Variants in TUBGCP6 observed in about 807,000 individuals in gnomAD.
The protein encoded by TUBGCP6 is tubulin gamma complex component 6, also known as gamma-tubulin complex component 6.
In TUBGCP6, 161 loss-of-function variants were observed where a neutral mutation model predicts 175.8. The ratio of observed to expected loss-of-function variants is 0.92; its 90% CI spans 0.81 to 1.04. The LOEUF (loss-of-function observed/expected upper bound fraction) is 1.04. Ranked by LOEUF, TUBGCP6 falls within the 50% of genes least tolerant of loss-of-function variation. The pLI, the probability that TUBGCP6 is intolerant of heterozygous loss-of-function variation, is 0.00. For missense variants in TUBGCP6, 2,572 were observed against 2,433.0 expected (o/e 1.06, Z -1.20); for synonymous variants, 1,173 against 1,030.5 (o/e 1.14, Z -2.65).
At chr22:50,243,452 CAAA>C (rs369826679) in intron 1 of TUBGCP6, among the ~76,000 whole-genome samples, 2 of 113,480 alleles carry the variant, frequency 1.8e-5, no homozygotes, top group Non-Finnish European at 3.7e-5. Flanking sequence ...GACTCCATCT[CAAA>C]AAAAAAAAAA....
chr22:50,240,054 A>T (rs2147213334), intron 2 of TUBGCP6, 150 bp downstream of exon 2: 2 of 1,068,530 alleles, frequency 1.9e-6, no homozygotes, highest in East Asian at 2.6e-5. Context: ...AACTCCCAGG[A>T]CTCAGTCAAT....
At chr22:50,242,085 G>A (rs1043504998) in intron 1 of TUBGCP6, among the ~76,000 whole-genome samples, 6 of 151,380 alleles carry the variant, frequency 4.0e-5, no homozygotes, top group African/African-American at 1.5e-4. Flanking sequence ...GAGGTGAGGA[G>A]ATAGAGACCA....
At chr22:50,231,959 A>G (rs1184934778) in intron 3 of TUBGCP6, among the ~76,000 whole-genome samples, 6 of 151,714 alleles carry the variant, frequency 4.0e-5, no homozygotes, top group Non-Finnish European at 7.4e-5. Flanking sequence ...GGCGGCTCAC[A>G]CTTGCAATCC....
At chr22:50,230,940 G>A (rs1432786215) in intron 3 of TUBGCP6, among the ~76,000 whole-genome samples, 1 of 149,666 alleles carries the variant, frequency 6.7e-6, no homozygotes, top group African/African-American at 2.5e-5. Flanking sequence ...AAATTAGCTG[G>A]GCGAGGTAGT....
intron 6 of TUBGCP6, 41 bp from the exon 7 acceptor site, chr22:50,226,883 C>T (rs778834207): frequency 1.9e-6 from 3 of 1,552,412 alleles, no homozygotes; most frequent in Non-Finnish European, 2.6e-6. Context: ...TCAGCGCACC[C>T]AGCGCTGGGA....
chr22:50,237,820 G>A (rs1198586816), intron 2 of TUBGCP6, among the ~76,000 whole-genome samples: 2 of 152,186 alleles, frequency 1.3e-5, no homozygotes, highest in Non-Finnish European at 2.9e-5. Flanking sequence ...CCTAGAAAAG[G>A]GGGAGTTAAT....
intron 16 of TUBGCP6, 103 bp from the exon 17 acceptor site, chr22:50,220,118 C>T (rs1298112770): frequency 1.9e-6 from 3 of 1,550,188 alleles, no homozygotes; most frequent in Admixed American, 1.9e-5. Context: ...ATGTCCCCCA[C>T]AGCAGCCCAG....
chr22:50,223,353 G>A (rs2064557558), intron 13 of TUBGCP6: 1 of 152,384 alleles, frequency 6.6e-6, no homozygotes, highest in African/African-American at 2.4e-5. Context: ...CCCCTCCCGT[G>A]AGGGGCTCTC....
In TUBGCP6 at chr22:50,224,157, G is replaced by A. The variant is rs202186491; in HGVS notation, c.2254C>T (p.Leu752=). Residue 752 remains leucine, a synonymous_variant, in exon 13 of 25, where the codon CTG becomes TTG. Coordinates refer to ENST00000248846, the MANE Select transcript of TUBGCP6 (RefSeq NM_020461.4). ...ERRLKSLEEE[L]ERKARQALVD... ...CTGCCCTACCTCGCCTTCCTCTCCA[G>A]CTCCTCCTCCAGGGACTTCAGCCTT... 2.8e-5 allele frequency: 45 copies of A among 1,613,666 alleles called. No individual in the cohort carries two copies. The East Asian group carries it at 9.8e-4, about 35-fold the overall frequency.
In TUBGCP6 at chr22:50,220,727, C is replaced by A; in HGVS notation, c.3632G>T (p.Arg1211Leu). 6.2e-7 allele frequency: 1 copy of A among 1,611,214 alleles called. No homozygotes were observed. The highest frequency in any genetic ancestry group is 8.5e-7 in the Non-Finnish European group (1 of 1,179,302). The change falls in exon 16 of 25, where the codon CGG becomes CTG. Residue 1211 changes from arginine (R) to leucine (L), a missense_variant. Arg to Leu is a moderately radical substitution (Grantham distance 102, BLOSUM62 -2). Coordinates refer to ENST00000248846, the MANE Select transcript of TUBGCP6 (RefSeq NM_020461.4). ...AGACACATGTCCGTGGGTGTTCCACCGTGGCCGGGTGGGAGCCATGTCTGA... is the reference window on the plus strand; with the variant it reads ...AGACACATGTCCGTGGGTGTTCCACAGTGGCCGGGTGGGAGCCATGTCTGA... Reference protein sequence around the residue: ...SVSDMAPTRPRWNTHGHVSDT... With the variant: ...SVSDMAPTRPLWNTHGHVSDT...
chr22:50,235,867 G>C (rs2064772482), intron 2 of TUBGCP6, among the ~76,000 whole-genome samples: 1 of 151,696 alleles, frequency 6.6e-6, no homozygotes, highest in Non-Finnish European at 1.5e-5. Flanking sequence ...TTGAACCCGG[G>C]AGGTGGAGGT....
Position 50,219,131 on chromosome 22 carries a change from C to G in TUBGCP6, c.4563G>C (p.Arg1521=), listed in dbSNP as rs961921122. The G allele has an allele frequency of 4.3e-6, 7 of 1,613,078 alleles. No individual in the cohort carries two copies. In the East Asian group the frequency reaches 1.6e-4, roughly 36 times the overall value. The change falls in exon 20 of 25, where the codon CGG becomes CGC. Residue 1521 remains arginine, a synonymous_variant. Coordinates refer to ENST00000248846, the MANE Select transcript of TUBGCP6 (RefSeq NM_020461.4). ...LHLEAHYEAL[R]HFLLMEDGEF... ...CGCCGTCCTCCATCAGCAGGAAGTG[C>G]CGCAGTGCCTCATAGTGCGCCTCCA... is the stretch of plus-strand genomic sequence containing the variant.
chr22:50,243,706 C>T lies in TUBGCP6; in HGVS notation c.741+13G>A. The T allele has an allele frequency of 6.4e-7, 1 of 1,564,778 alleles. No individual in the cohort carries two copies. Among genetic ancestry groups the T allele is most frequent in the East Asian group, 2.4e-5 (1 of 42,552 alleles). ...CCCGAGAGAGATGAAAGAGGAAAAA[C>T]TAAACATTCTACCTTAATAGCCAGC... On this transcript the variant is annotated intron_variant, in intron 1 of 24. Coordinates refer to ENST00000248846, the MANE Select transcript of TUBGCP6 (RefSeq NM_020461.4).
At chr22:50,235,624 C>T (rs1013254236) in intron 2 of TUBGCP6, among the ~76,000 whole-genome samples, 3 of 152,162 alleles carry the variant, frequency 2.0e-5, no homozygotes, top group Non-Finnish European at 2.9e-5. Context: ...ACATGAGGTC[C>T]CTACAGTGGC....
Position 50,224,508 on chromosome 22 carries a change from C to G in TUBGCP6, c.2065+3G>C, listed in dbSNP as rs2064576532. ...GCAGAAGGGAGGACTTGGGGCCACT[C>G]ACCACTCAGTGCACTCAGGACCCTG... is the stretch of plus-strand genomic sequence containing the variant. On this transcript the variant is annotated splice_donor_region_variant and intron_variant, in intron 11 of 24. Transcript: ENST00000248846. The G allele has an allele frequency of 6.2e-7, 1 of 1,614,188 alleles. No homozygotes were observed. Among genetic ancestry groups the G allele is most frequent in the Non-Finnish European group, 8.5e-7 (1 of 1,180,042 alleles).
intron 5 of TUBGCP6, 83 bp from the exon 6 acceptor site, chr22:50,227,160 T>C: frequency 7.9e-7 from 1 of 1,269,472 alleles, no homozygotes; most frequent in Non-Finnish European, 1.1e-6. Flanking sequence ...AGTCTCCACG[T>C]ATCTTTATGC....
At chr22:50,234,121 A>G (rs1340518954) in intron 2 of TUBGCP6, among the ~76,000 whole-genome samples, 1 of 145,526 alleles carries the variant, frequency 6.9e-6, no homozygotes, top group Admixed American at 6.9e-5. Flanking sequence ...CCCCCTGTCC[A>G]CAGCATCATC....
intron 2 of TUBGCP6, among the ~76,000 whole-genome samples, chr22:50,238,195 C>A (rs1182554528): frequency 6.6e-6 from 1 of 150,538 alleles, no homozygotes; most frequent in South Asian, 2.1e-4. Flanking sequence ...TTTGGGGGAC[C>A]TAGTTTGTTT....
rs111331207 is a variant in TUBGCP6, at chr22:50,234,725, G to A, written c.906-1199C>T. On this transcript the variant is annotated intron_variant, in intron 2 of 24. Coordinates refer to ENST00000248846, the MANE Select transcript of TUBGCP6 (RefSeq NM_020461.4). Reference sequence around the variant, plus strand: ...AGCATCATCCACACCCCCTGTCCACGGCAGCATCACCCACACCCACCCATG... The same window carrying A: ...AGCATCATCCACACCCCCTGTCCACAGCAGCATCACCCACACCCACCCATG... Among the ~76,000 whole-genome samples, 768 of 124,984 alleles carry A rather than the reference G, an allele frequency of 6.1e-3. 10 individuals carry two copies. Among genetic ancestry groups the A allele is most frequent in the African/African-American group, 0.022 (702 of 31,752 alleles). The allele number at this position is 124,984 out of a possible 152,430, so 82.0% of individuals were successfully genotyped here. A position where few individuals can be genotyped will look rare whatever the true frequency, so the allele number is the denominator to read the frequency against.
Sources: gnomAD v4.1 joint callset for allele counts (sites outside exome capture counted in the v4.1 genomes callset) on GRCh38, gnomAD v4.1.1 for gene constraint, MANE v1.5 for transcripts, NCBI Gene and HGNC (gene_info 2026-07-23, HGNC 2026-07-21) for gene names.